ZFP30: variants seen among roughly 807,000 people sequenced by gnomAD.
The protein encoded by ZFP30 is ZFP30 zinc finger protein.
Under a neutral mutation model 12.3 loss-of-function variants are expected in ZFP30, and 16 were observed. That is an observed-to-expected ratio of 1.30 (90% CI 0.88 to 1.98). The LOEUF (loss-of-function observed/expected upper bound fraction) is 1.98, where lower values mean the gene tolerates loss of function less well. Among genes scored for constraint, ZFP30 ranks in the 30% most tolerant of loss-of-function variants. The pLI is 0.00. For synonymous variants in ZFP30, 172 were observed against 201.0 expected, an observed-to-expected ratio of 0.86 and a Z score of 1.22; for missense variants, 560 against 611.2, an observed-to-expected ratio of 0.92 and a Z score of 0.88.
At position 37,633,189 on chromosome 19, in the gene ZFP30, G is replaced by C. The variant is rs1331530626; in HGVS notation, c.*1792C>G. The C allele has an allele frequency of 7.3e-6, 1 of 136,692 alleles. No homozygotes were observed. The highest frequency in any genetic ancestry group is 2.6e-5 in the African/African-American group (1 of 38,910). 8.5% of individuals were successfully genotyped at this position (136,692 alleles called of 1,614,324 possible). A position where few individuals can be genotyped will look rare whatever the true frequency, so the allele number is the denominator to read the frequency against. ...CCGTCTCAAAAAAAAAAAAAAAAAA[G>C]GTGCATACCATGGGTACTATAATAT... On this transcript the variant is annotated 3_prime_UTR_variant, in exon 6 of 6. Coordinates refer to ENST00000684514, the MANE Select transcript of ZFP30 (RefSeq NM_001320669.3).
chr19:37,633,315 T>C lies in ZFP30; in HGVS notation c.*1666A>G, dbSNP rs1344117768. On this transcript the variant is annotated 3_prime_UTR_variant, in exon 6 of 6. Transcript: ENST00000684514. ...TAATTAATATTCCAATCCCAATGTGTAGAGCTTTGGCAACATCCACAAGTT... is the reference window on the plus strand; with the variant it reads ...TAATTAATATTCCAATCCCAATGTGCAGAGCTTTGGCAACATCCACAAGTT... 1 of 152,234 alleles carries C rather than the reference T, an allele frequency of 6.6e-6. No homozygotes were observed. Among genetic ancestry groups the C allele is most frequent in the African/African-American group, 2.4e-5 (1 of 41,466 alleles). The allele number at this position is 152,234 out of a possible 1,614,324, so 9.4% of individuals were successfully genotyped here.
Position 37,647,793 on chromosome 19 carries a change from T to A in ZFP30, c.9+21A>T, listed in dbSNP as rs754151105. The A allele has an allele frequency of 2.5e-5, 40 of 1,613,678 alleles. No individual in the cohort carries two copies. In the Admixed American group the frequency reaches 6.7e-4, roughly 27 times the overall value. ...TGAAAAAAATGACAGAATTCCAAAGTAGAGAGAAATTCCAACTTACACGAG... is the reference window on the plus strand; with the variant it reads ...TGAAAAAAATGACAGAATTCCAAAGAAGAGAGAAATTCCAACTTACACGAG... On this transcript the variant is annotated intron_variant, in intron 3 of 5. Coordinates refer to ENST00000684514, the MANE Select transcript of ZFP30 (RefSeq NM_001320669.3).
rs1299586243 is a variant in ZFP30, at chr19:37,633,687, A to G, written c.*1294T>C. 2 of 152,220 alleles carry G rather than the reference A, an allele frequency of 1.3e-5. No homozygotes were observed. The highest frequency in any genetic ancestry group is 3.8e-4 in the East Asian group (2 of 5,198). The allele number at this position is 152,220 out of a possible 1,614,324, so 9.4% of individuals were successfully genotyped here. A position where few individuals can be genotyped will look rare whatever the true frequency, so the allele number is the denominator to read the frequency against. ...TAAAATAATTCATTTTAAACTGGCTATAATTTCATGGATAATTTGATCTTT... is the reference window on the plus strand; with the variant it reads ...TAAAATAATTCATTTTAAACTGGCTGTAATTTCATGGATAATTTGATCTTT... On this transcript the variant is annotated 3_prime_UTR_variant, in exon 6 of 6. Transcript: ENST00000684514.
intron 4 of ZFP30, 32 bp from the exon 5 acceptor site, chr19:37,643,395 A>G: frequency 7.0e-7 from 1 of 1,430,584 alleles, no homozygotes; most frequent in South Asian, 1.5e-5. Flanking sequence ...ATAATAAAGA[A>G]TTTATTTAAG....
chr19:37,648,951 A>T lies in ZFP30; in HGVS notation c.-77-1052T>A, dbSNP rs2044595091. Reference sequence around the variant, plus strand: ...GTGTGGATAATGTTCTAGAAGCTAGAAATAGGCTGGGTGCAGTGGCTCATG... The same window carrying T: ...GTGTGGATAATGTTCTAGAAGCTAGTAATAGGCTGGGTGCAGTGGCTCATG... On this transcript the variant is annotated intron_variant, in intron 2 of 5. Transcript: ENST00000684514. 3.3e-5 allele frequency among the ~76,000 whole-genome samples: 5 copies of T among 152,280 alleles called. No individual in the cohort carries two copies. The South Asian group carries it at 1.0e-3, about 32-fold the overall frequency.
At position 37,635,004 on chromosome 19, in the gene ZFP30, G is replaced by A; in HGVS notation, c.1537C>T (p.Gln513Ter). Residue 513 changes from glutamine to a stop codon, truncating the protein, a stop_gained, in exon 6 of 6, where the codon CAG becomes TAG. Transcript: ENST00000684514. LOFTEE classifies it high-confidence loss of function. ...TATTAAGTTACATTATGAATTCGCT[G>A]ATGGTAAGTAAGATGTGAATGTTGT... ...FRQHSHLTYH[Q>*]RIHNVT 1 of 1,555,062 alleles carries A rather than the reference G, an allele frequency of 6.4e-7. No individual in the cohort carries two copies. Among genetic ancestry groups the A allele is most frequent in the Non-Finnish European group, 8.7e-7 (1 of 1,153,894 alleles).
chr19:37,653,073 C>T (rs1026905709), intron 2 of ZFP30, among the ~76,000 whole-genome samples: 4 of 147,602 alleles, frequency 2.7e-5, no homozygotes, highest in Admixed American at 6.9e-5. Context: ...ACTGAGATTT[C>T]GGCATTGCAC....
intron 2 of ZFP30, among the ~76,000 whole-genome samples, chr19:37,651,834 A>G (rs1025485099): frequency 1.3e-5 from 2 of 152,218 alleles, no homozygotes; most frequent in Admixed American, 1.3e-4. Context: ...TAAAAAATTT[A>G]CAAAACATCC....
chr19:37,638,486 A>C (rs1039089742), intron 5 of ZFP30, among the ~76,000 whole-genome samples: 5 of 152,244 alleles, frequency 3.3e-5, no homozygotes. Flanking sequence ...CTCTTCAAAA[A>C]GGAAAAGGTA....
rs111490253 is a variant in ZFP30, at chr19:37,639,444, C to A, written c.236-3139G>T. On this transcript the variant is annotated intron_variant, in intron 5 of 5. Coordinates refer to ENST00000684514, the MANE Select transcript of ZFP30 (RefSeq NM_001320669.3). Reference sequence around the variant, plus strand: ...TGTTACTGTTTATAGCATTAAAGTCCACACAAACTGGGCACCATGGCTCGC... The same window carrying A: ...TGTTACTGTTTATAGCATTAAAGTCAACACAAACTGGGCACCATGGCTCGC... Among the ~76,000 whole-genome samples the A allele has an allele frequency of 2.3e-3, 346 of 152,098 alleles. 2 individuals carry two copies. The highest frequency in any genetic ancestry group is 8.1e-3 in the African/African-American group (338 of 41,498).
chr19:37,652,846 G>A (rs189858169), intron 2 of ZFP30, among the ~76,000 whole-genome samples: 20 of 152,162 alleles, frequency 1.3e-4, no homozygotes, highest in Non-Finnish European at 2.4e-4. Flanking sequence ...GGCCAGGTGC[G>A]GTGGCTCACG....
At chr19:37,639,061 T>C (rs1436658424) in intron 5 of ZFP30, among the ~76,000 whole-genome samples, 1 of 152,078 alleles carries the variant, frequency 6.6e-6, no homozygotes, top group East Asian at 1.9e-4. Context: ...GACAGGTAAA[T>C]GAATGGAACA....
chr19:37,636,978 T>G (rs746401156), intron 5 of ZFP30, among the ~76,000 whole-genome samples: 1 of 151,740 alleles, frequency 6.6e-6, no homozygotes, highest in Non-Finnish European at 1.5e-5. Flanking sequence ...CCCAAAGTGC[T>G]GGGATTACAG....
In ZFP30 at chr19:37,634,619, A is replaced by G. The variant is rs2147251633; in HGVS notation, c.*362T>C. On this transcript the variant is annotated 3_prime_UTR_variant, in exon 6 of 6. Coordinates refer to ENST00000684514, the MANE Select transcript of ZFP30 (RefSeq NM_001320669.3). The stretch of plus-strand genomic sequence containing the variant: ...GAAATACAGTTCCTACAGGAAATGC[A>G]GACTAAATGACTTTCCTTTCATTTA... 1 of 176,010 alleles carries G rather than the reference A, an allele frequency of 5.7e-6. No individual in the cohort carries two copies. The highest frequency in any genetic ancestry group is 1.2e-5 in the Non-Finnish European group (1 of 84,738). 10.9% of individuals were successfully genotyped at this position (176,010 alleles called of 1,614,324 possible). A position where few individuals can be genotyped will look rare whatever the true frequency, so the allele number is the denominator to read the frequency against.
At position 37,633,768 on chromosome 19, in the gene ZFP30, CAAAT is replaced by C. The variant is rs1417188544; in HGVS notation, c.*1209_*1212del. ...CAAAAGTAGAATAGCAAAAACAAAA[CAAAT>C]AAAAACCATGTATCCAAGACTTAGG... On this transcript the variant is annotated 3_prime_UTR_variant, in exon 6 of 6. Transcript: ENST00000684514. 1 of 151,904 alleles carries C rather than the reference CAAAT, an allele frequency of 6.6e-6. No individual in the cohort carries two copies. The highest frequency in any genetic ancestry group is 1.5e-5 in the Non-Finnish European group (1 of 67,976). 9.4% of individuals were successfully genotyped at this position (151,904 alleles called of 1,614,324 possible). A position where few individuals can be genotyped will look rare whatever the true frequency, so the allele number is the denominator to read the frequency against.
Position 37,644,667 on chromosome 19 carries a change from G to C in ZFP30, c.79C>G (p.Gln27Glu). The stretch of plus-strand genomic sequence containing the variant: ...ATCACATCTCTGTACAAATTCCTCT[G>C]ATATGAGTTCAGGCATTCCCATTCT... ...QEEWECLNSY[Q>E]RNLYRDVILE... The change falls in exon 4 of 6, where the codon CAG becomes GAG. Residue 27 changes from glutamine to glutamate, a missense_variant. Transcript: ENST00000684514. The C allele has an allele frequency of 6.2e-7, 1 of 1,613,300 alleles. No individual in the cohort carries two copies.
chr19:37,631,543 G>A lies in ZFP30; in HGVS notation c.*3438C>T, dbSNP rs1469740446. The A allele has an allele frequency of 1.3e-5, 2 of 151,980 alleles. No homozygotes were observed. Among genetic ancestry groups the A allele is most frequent in the South Asian group, 2.1e-4 (1 of 4,816 alleles). 9.4% of individuals were successfully genotyped at this position (151,980 alleles called of 1,614,324 possible). Reference sequence around the variant, plus strand: ...AATACAGTTCATAATGGATGACCACGGTGAAATCACCGAAGTCCAACTGAT... The same window carrying A: ...AATACAGTTCATAATGGATGACCACAGTGAAATCACCGAAGTCCAACTGAT... On this transcript the variant is annotated 3_prime_UTR_variant, in exon 6 of 6. Coordinates refer to ENST00000684514, the MANE Select transcript of ZFP30 (RefSeq NM_001320669.3).
At chr19:37,642,229 AT>A (rs1364040689) in intron 5 of ZFP30, among the ~76,000 whole-genome samples, 32 of 152,302 alleles carry the variant, frequency 2.1e-4, no homozygotes, top group African/African-American at 7.7e-4. Flanking sequence ...TATTCATATA[AT>A]TCTTATAAGA....
chr19:37,649,659 C>A (rs1486119186), intron 2 of ZFP30, among the ~76,000 whole-genome samples: 1 of 151,862 alleles, frequency 6.6e-6, no homozygotes, highest in African/African-American at 2.4e-5. Flanking sequence ...TGGCAAAACT[C>A]CATCTCTACA....
Sources: allele counts gnomAD v4.1 joint callset (sites outside exome capture counted in the v4.1 genomes callset), GRCh38; gene constraint gnomAD v4.1.1; transcripts MANE v1.5; gene names NCBI Gene and HGNC (gene_info 2026-07-23, HGNC 2026-07-21).